PC: variants seen among roughly 807,000 people sequenced by gnomAD.
PC encodes the protein pyruvate carboxylase, mitochondrial.
In PC, 46 loss-of-function variants were observed where a neutral mutation model predicts 107.8. The ratio of observed to expected loss-of-function variants is 0.43; its 90% CI spans 0.34 to 0.55. PC has a LOEUF of 0.55. Ranked by LOEUF, PC falls within the 20% of genes least tolerant of loss-of-function variation. The probability of loss-of-function intolerance (pLI) is 0.04; values close to 1 mark genes in which losing one functional copy is unlikely to be tolerated. For synonymous variants in PC, 662 were observed against 684.7 expected, an observed-to-expected ratio of 0.97 and a Z score of 0.52; for missense variants, 1,241 against 1,643.1, an observed-to-expected ratio of 0.76 and a Z score of 4.23.
At chr11:66,851,014 G>A (rs755239518) in intron 17 of PC, 26 bp downstream of exon 17, 3 of 1,611,372 alleles carry the variant, frequency 1.9e-6, no homozygotes, top group African/African-American at 1.3e-5. Context: ...GGCAGAGAGG[G>A]AGGGACGGAC....
chr11:66,946,092 C>CAAAAAA (rs757767116), intron 3 of PC, among the ~76,000 whole-genome samples: 13 of 66,060 alleles, frequency 2.0e-4, no homozygotes, highest in Non-Finnish European at 2.5e-4. Flanking sequence ...GACTCCGTCT[C>CAAAAAA]AAAAAAAAAA....
chr11:66,852,063 C>A lies in PC; in HGVS notation c.1826-117G>T. 1 of 1,062,204 alleles carries A rather than the reference C, an allele frequency of 9.4e-7. No individual in the cohort carries two copies. The highest frequency in any genetic ancestry group is 1.4e-6 in the Non-Finnish European group (1 of 711,282). 65.8% of individuals were successfully genotyped at this position (1,062,204 alleles called of 1,614,324 possible). A position where few individuals can be genotyped will look rare whatever the true frequency, so the allele number is the denominator to read the frequency against. On this transcript the variant is annotated intron_variant, in intron 15 of 22. Coordinates refer to ENST00000393960, the MANE Select transcript of PC (RefSeq NM_001040716.2). This position sits in a 1 kb window ranked among gnomAD's most constrained non-coding sequence, Gnocchi z 4.7. ...CCCAATACCAGGTCCTGCTCATCTT[C>A]GCCATACCTGTGTTCCCTGCTCCAA...
chr11:66,893,471 T>G (rs971906086), intron 3 of PC, among the ~76,000 whole-genome samples: 2 of 152,116 alleles, frequency 1.3e-5, no homozygotes, highest in Non-Finnish European at 2.9e-5. Context: ...CTTAATTTGA[T>G]CAAAACATGA....
intron 3 of PC, among the ~76,000 whole-genome samples, chr11:66,882,937 G>A (rs1947235367): frequency 6.6e-6 from 1 of 152,236 alleles, no homozygotes; most frequent in African/African-American, 2.4e-5. Flanking sequence ...GGGGGCAGAA[G>A]GGAGGACGCT....
chr11:66,896,835 T>C (rs1947776658), intron 3 of PC, among the ~76,000 whole-genome samples: 1 of 152,204 alleles, frequency 6.6e-6, no homozygotes, highest in Non-Finnish European at 1.5e-5. Context: ...CTCATAAACA[T>C]AGAGTATTTC....
chr11:66,850,481 G>A lies in PC; in HGVS notation c.2474-17C>T. The A allele has an allele frequency of 3.1e-6, 5 of 1,613,796 alleles. No individual in the cohort carries two copies. The African/African-American group carries it at 4.0e-5, about 13-fold the overall frequency. On this transcript the variant is annotated splice_polypyrimidine_tract_variant and intron_variant, in intron 18 of 22. Transcript: ENST00000393960. ...TGGGCACCTCTGCAGGGAGGCCAGA[G>A]TCAGAGGAGGCCTTAGAAATGTGTG...
intron 3 of PC, among the ~76,000 whole-genome samples, chr11:66,919,242 C>A (rs1265901259): frequency 2.6e-5 from 4 of 152,178 alleles, no homozygotes; most frequent in Non-Finnish European, 5.9e-5. Context: ...AGGATGAAAC[C>A]CTGTCTCTAC....
intron 3 of PC, among the ~76,000 whole-genome samples, chr11:66,927,039 G>A (rs1211955828): frequency 6.7e-6 from 1 of 149,616 alleles, no homozygotes; most frequent in Non-Finnish European, 1.5e-5. Context: ...CGCCCAGGCT[G>A]GAGTGCAATG....
chr11:66,849,444 A>C, intron 21 of PC, 74 bp from the exon 22 acceptor site: 4 of 1,607,234 alleles, frequency 2.5e-6, no homozygotes, highest in Middle Eastern at 2.0e-4. Flanking sequence ...GGCCATAGGA[A>C]GTCCCCACAC....
rs760538014 is a variant in PC, at chr11:66,858,165, G to C, written c.1369-4782C>G. ...GGGCCGCATCGCGCCGGGAGCCTTC[G>C]ACGACTTCCTAGAGAGCCTGGAGGA... is the stretch of plus-strand genomic sequence containing the variant. On this transcript the variant is annotated intron_variant, in intron 12 of 22. Coordinates refer to ENST00000393960, the MANE Select transcript of PC (RefSeq NM_001040716.2). The surrounding 1 kb of genome is among the most constrained non-coding windows in gnomAD (Gnocchi z 5.9). The C allele has an allele frequency of 6.2e-7, 1 of 1,610,836 alleles. No homozygotes were observed. The highest frequency in any genetic ancestry group is 1.3e-5 in the African/African-American group (1 of 75,016).
chr11:66,853,438 C>T (rs536202745), intron 12 of PC, 55 bp from the exon 13 acceptor site: 449 of 1,605,780 alleles, frequency 2.8e-4, no homozygotes, highest in Admixed American at 1.0e-4. Context: ...ACAGGGAAGG[C>T]AGAGGAGAAA....
rs1272795933 is a variant in PC, at chr11:66,848,571, A to G, written c.*328T>C. 5 of 596,772 alleles carry G rather than the reference A, an allele frequency of 8.4e-6. No individual in the cohort carries two copies. Among genetic ancestry groups the G allele is most frequent in the Non-Finnish European group, 1.5e-5 (5 of 335,092 alleles). 37.0% of individuals were successfully genotyped at this position (596,772 alleles called of 1,614,324 possible). On this transcript the variant is annotated 3_prime_UTR_variant, in exon 23 of 23. Coordinates refer to ENST00000393960, the MANE Select transcript of PC (RefSeq NM_001040716.2). ...TTGAGTAAACTTCCCAGGACCTGGG[A>G]CATCTTAGATCTCCCCTTCCCCCAG...
In PC at chr11:66,852,947, G is replaced by C; in HGVS notation, c.1514-111C>G. 1 of 886,836 alleles carries C rather than the reference G, an allele frequency of 1.1e-6. No individual in the cohort carries two copies. The highest frequency in any genetic ancestry group is 1.7e-6 in the Non-Finnish European group (1 of 588,748). 54.9% of individuals were successfully genotyped at this position (886,836 alleles called of 1,614,324 possible). On this transcript the variant is annotated intron_variant, in intron 13 of 22. Coordinates refer to ENST00000393960, the MANE Select transcript of PC (RefSeq NM_001040716.2). The surrounding 1 kb of genome is among the most constrained non-coding windows in gnomAD (Gnocchi z 4.7). ...AGGGACACATCCCTCCAGGATCCCC[G>C]GGCTTCCAGCTGGCCCCTGTCCTCT...
intron 3 of PC, among the ~76,000 whole-genome samples, chr11:66,886,720 C>T (rs986091949): frequency 2.0e-5 from 3 of 152,168 alleles, no homozygotes; most frequent in Admixed American, 6.5e-5. Context: ...AATTAAAGAA[C>T]GCGAAGCCAA....
At position 66,871,318 on chromosome 11, in the gene PC, C is replaced by T; in HGVS notation, c.484G>A (p.Ala162Thr). 2 of 1,614,030 alleles carry T rather than the reference C, an allele frequency of 1.2e-6. No homozygotes were observed. Among genetic ancestry groups the T allele is most frequent in the African/African-American group, 1.3e-5 (1 of 75,064 alleles). Residue 162 changes from alanine (A) to threonine (T), a missense_variant, in exon 6 of 23, where the codon GCG (alanine) becomes ACG (threonine). Ala to Thr is a moderately conservative substitution (Grantham distance 58). Coordinates refer to ENST00000393960, the MANE Select transcript of PC (RefSeq NM_001040716.2). This position sits in a 1 kb window ranked among gnomAD's most constrained non-coding sequence, Gnocchi z 7.4. ...KVEARAIAIA[A>T]GVPVVPGTDA... The stretch of plus-strand genomic sequence containing the variant: ...CTTGCTTGCCCGTTATATTCACCCG[C>T]AGCAATGGCGATGGCCCGGGCCTCC...
intron 3 of PC, among the ~76,000 whole-genome samples, chr11:66,930,049 T>C (rs775663334): frequency 6.6e-6 from 1 of 152,100 alleles, no homozygotes; most frequent in Non-Finnish European, 1.5e-5. Context: ...TTACCCCCAG[T>C]GAAGTTGGGA....
At position 66,924,032 on chromosome 11, in the gene PC, G is replaced by A. The variant is rs142674535; in HGVS notation, c.-1+28398C>T. Among the ~76,000 whole-genome samples, 391 of 151,638 alleles carry A rather than the reference G, an allele frequency of 2.6e-3. 1 individual carries two copies. Among genetic ancestry groups the A allele is most frequent in the Non-Finnish European group, 4.0e-3 (272 of 67,890 alleles). ...AGCCTGGCCAACATGGCAAAACCAT[G>A]TCTCTACTAAAATACAAAAATTAGC... On this transcript the variant is annotated intron_variant, in intron 3 of 22. Coordinates refer to ENST00000393960, the MANE Select transcript of PC (RefSeq NM_001040716.2).
intron 3 of PC, among the ~76,000 whole-genome samples, chr11:66,917,008 T>C (rs900322324): frequency 6.6e-6 from 1 of 151,866 alleles, no homozygotes; most frequent in Non-Finnish European, 1.5e-5. Context: ...ATTCCAGCCC[T>C]AGTTCGTCAT....
Position 66,925,616 on chromosome 11 carries a change from T to C in PC, c.-1+26814A>G, listed in dbSNP as rs1413639904. Among the ~76,000 whole-genome samples, 5 of 152,124 alleles carry C rather than the reference T, an allele frequency of 3.3e-5. No individual in the cohort carries two copies. In the East Asian group the frequency reaches 9.6e-4, roughly 29 times the overall value. ...CATGCTCTACAAACAATTTGTGCAG[T>C]TAACACAATCATCACAGGGTCCTGA... On this transcript the variant is annotated intron_variant, in intron 3 of 22. Coordinates refer to ENST00000393960, the MANE Select transcript of PC (RefSeq NM_001040716.2).
Sources: allele counts gnomAD v4.1 joint callset (sites outside exome capture counted in the v4.1 genomes callset), GRCh38; gene constraint gnomAD v4.1.1; non-coding constraint Gnocchi (gnomAD v3.1); transcripts MANE v1.5; gene names NCBI Gene and HGNC (gene_info 2026-07-23, HGNC 2026-07-21).